Variants in CHN1 observed in about 807,000 individuals in gnomAD.
CHN1 encodes N-chimaerin.
Under a neutral mutation model 59.5 loss-of-function variants are expected in CHN1, and 37 were observed. The ratio of observed to expected loss-of-function variants is 0.62; its 90% CI spans 0.48 to 0.82. The LOEUF (loss-of-function observed/expected upper bound fraction) is 0.82, where lower values mean the gene tolerates loss of function less well. CHN1 is among the 40% of genes least tolerant of loss of function. CHN1 has a pLI of 0.00. For missense variants in CHN1, 469 were observed against 571.0 expected, an observed-to-expected ratio of 0.82 and a Z score of 1.82; for synonymous variants, 206 against 200.4, an observed-to-expected ratio of 1.03 and a Z score of -0.24.
intron 1 of CHN1, among the ~76,000 whole-genome samples, chr2:174,996,479 A>G (rs1228982396): frequency 6.6e-6 from 1 of 152,258 alleles, no homozygotes; most frequent in Non-Finnish European, 1.5e-5. Context: ...TAAGAACCTT[A>G]TAAAATAATC....
At position 174,891,765 on chromosome 2, in the gene CHN1, T is replaced by C. The variant is rs75381189; in HGVS notation, c.261-13637A>G. Among the ~76,000 whole-genome samples, 703 of 151,664 alleles carry C rather than the reference T, an allele frequency of 4.6e-3. 9 individuals carry two copies. Among genetic ancestry groups the C allele is most frequent in the African/African-American group, 0.016 (671 of 41,314 alleles). On this transcript the variant is annotated intron_variant, in intron 5 of 12. Transcript: ENST00000409900. ...CTCAAAGTTAGCAAAAGGAAGGTAA[T>C]AGCAGTGATTAGAGCTGAAATAAAC...
At chr2:174,952,043 C>G in intron 2 of CHN1, 121 bp downstream of exon 2, 1 of 601,606 alleles carries the variant, frequency 1.7e-6, no homozygotes, top group Non-Finnish European at 2.7e-6. Flanking sequence ...ACTCCCAAAC[C>G]TTGTTTAAAT....
chr2:174,847,089 C>A, intron 6 of CHN1, 132 bp from the exon 7 acceptor site: 1 of 1,551,604 alleles, frequency 6.4e-7, no homozygotes, highest in Non-Finnish European at 8.7e-7. Context: ...TGAACTGCAG[C>A]CCTATTAGTT....
chr2:174,975,588 T>C (rs73973660), intron 1 of CHN1, among the ~76,000 whole-genome samples: 1 of 151,110 alleles, frequency 6.6e-6, no homozygotes, highest in African/African-American at 2.4e-5. Flanking sequence ...CATTACCATT[T>C]ACCACCCAGG....
At position 174,915,048 on chromosome 2, in the gene CHN1, C is replaced by G; in HGVS notation, c.260+10G>C. On this transcript the variant is annotated intron_variant, in intron 5 of 12. Coordinates refer to ENST00000409900, the MANE Select transcript of CHN1 (RefSeq NM_001822.7). ...TAAAGCACAGTAGTAATTGCAGGCC[C>G]ATGACCAACCTTAAAGCCAAAGTGT... 1 of 1,580,546 alleles carries G rather than the reference C, an allele frequency of 6.3e-7. No individual in the cohort carries two copies. The highest frequency in any genetic ancestry group is 8.7e-7 in the Non-Finnish European group (1 of 1,154,208).
intron 5 of CHN1, among the ~76,000 whole-genome samples, chr2:174,914,800 G>A (rs1391756667): frequency 2.0e-5 from 3 of 146,932 alleles, no homozygotes; most frequent in Admixed American, 6.9e-5. Context: ...AGCCGAGATC[G>A]TGCCACTGCA....
chr2:174,819,741 G>A (rs1231709534), intron 8 of CHN1, among the ~76,000 whole-genome samples: 1 of 151,302 alleles, frequency 6.6e-6, no homozygotes, highest in Non-Finnish European at 1.5e-5. Context: ...GTATACATGT[G>A]CCATGCTGGT....
chr2:174,941,666 C>T (rs1402522971), intron 3 of CHN1, among the ~76,000 whole-genome samples: 1 of 152,102 alleles, frequency 6.6e-6, no homozygotes, highest in African/African-American at 2.4e-5. Flanking sequence ...ATCATCTACT[C>T]CTTATGATAA....
At chr2:174,911,092 ACAGCAGATCACAAACAG>A (rs2105366582) in intron 5 of CHN1, among the ~76,000 whole-genome samples, 1 of 152,322 alleles carries the variant, frequency 6.6e-6, no homozygotes, top group African/African-American at 2.4e-5. Context: ...AATGGGTCTA[ACAGCAGATCACAAACAG>A]CAGAAGTCAG....
At chr2:174,930,170 T>C (rs1689292796) in intron 3 of CHN1, among the ~76,000 whole-genome samples, 1 of 152,204 alleles carries the variant, frequency 6.6e-6, no homozygotes. Flanking sequence ...GTCCAATTTA[T>C]TTCTCCCAAG....
At chr2:174,904,272 AAATAAAT>A (rs1688476548) in intron 5 of CHN1, among the ~76,000 whole-genome samples, 1 of 152,080 alleles carries the variant, frequency 6.6e-6, no homozygotes, top group South Asian at 2.1e-4. Context: ...AAAAATAAAT[AAATAAAT>A]AATAAAAAAT....
chr2:174,826,560 C>T (rs142029924), intron 7 of CHN1, among the ~76,000 whole-genome samples: 237 of 152,176 alleles, frequency 1.6e-3, no homozygotes, highest in Non-Finnish European at 6.8e-4. Context: ...TATTTTGTGC[C>T]GATCAGTTAT....
chr2:174,843,019 AAT>A (rs1686367924), intron 7 of CHN1, among the ~76,000 whole-genome samples: 1 of 152,124 alleles, frequency 6.6e-6, no homozygotes, highest in Non-Finnish European at 1.5e-5. Flanking sequence ...TATAATTCTT[AAT>A]GTTGTTTTCT....
chr2:174,802,779 C>T (rs748514202), intron 11 of CHN1, among the ~76,000 whole-genome samples: 1 of 152,192 alleles, frequency 6.6e-6, no homozygotes, highest in African/African-American at 2.4e-5. Flanking sequence ...GTGGCTCACA[C>T]CCGTAATCCC....
chr2:174,904,384 T>TTTTG (rs775967079), intron 5 of CHN1, among the ~76,000 whole-genome samples: 21 of 152,302 alleles, frequency 1.4e-4, no homozygotes, highest in South Asian at 8.3e-4. Context: ...TTTTTGAATT[T>TTTTG]TTTGTTTGTT....
At chr2:174,975,495 A>G (rs1221008644) in intron 1 of CHN1, among the ~76,000 whole-genome samples, 3 of 152,142 alleles carry the variant, frequency 2.0e-5, no homozygotes, top group South Asian at 4.2e-4. Flanking sequence ...CTTACCTACT[A>G]AAAAAACAAG....
Position 174,928,430 on chromosome 2 carries a change from C to A in CHN1, c.115-9865G>T, listed in dbSNP as rs140491389. ...TCACAAATGAAAATCATGACTCATA[C>A]AGATATAAAAATAAACACGTTAAAA... On this transcript the variant is annotated intron_variant, in intron 3 of 12. Coordinates refer to ENST00000409900, the MANE Select transcript of CHN1 (RefSeq NM_001822.7). Among the ~76,000 whole-genome samples the A allele has an allele frequency of 4.4e-3, 676 of 152,192 alleles. 6 individuals carry two copies. Among genetic ancestry groups the A allele is most frequent in the African/African-American group, 0.015 (637 of 41,510 alleles).
At chr2:174,906,648 C>T (rs907145142) in intron 5 of CHN1, among the ~76,000 whole-genome samples, 4 of 140,844 alleles carry the variant, frequency 2.8e-5, no homozygotes, top group Non-Finnish European at 4.6e-5. Context: ...AAAAGCCATG[C>T]TTGCAAACAG....
intron 4 of CHN1, among the ~76,000 whole-genome samples, chr2:174,916,248 C>A (rs1433890597): frequency 6.6e-6 from 1 of 152,200 alleles, no homozygotes; most frequent in Non-Finnish European, 1.5e-5. Context: ...CCCTCCCATT[C>A]CCCTGTTATG....
Sources: gnomAD v4.1 joint callset for allele counts (sites outside exome capture counted in the v4.1 genomes callset) on GRCh38, gnomAD v4.1.1 for gene constraint, MANE v1.5 for transcripts, NCBI Gene and HGNC (gene_info 2026-07-23, HGNC 2026-07-21) for gene names.